The following RNF150 variants were observed in gnomAD, a reference collection of about 807,000 sequenced individuals.
The protein encoded by RNF150 is ring finger protein 150.
RNF150 carries 24 observed loss-of-function variants against 39.3 expected under a neutral mutation model. That is an observed-to-expected ratio of 0.61 (90% CI 0.44 to 0.86). RNF150 has a LOEUF of 0.86. Ranked by LOEUF, RNF150 falls within the 40% of genes least tolerant of loss-of-function variation. The pLI is 0.00. For missense variants in RNF150, 502 were observed against 587.8 expected (o/e 0.85, Z 1.51); for synonymous variants, 255 against 227.3 (o/e 1.12, Z -1.10).
chr4:140,977,105 C>T (rs1733693242), intron 1 of RNF150, among the ~76,000 whole-genome samples: 2 of 152,124 alleles, frequency 1.3e-5, no homozygotes. Context: ...AGATAATTCA[C>T]AATGGATTAT....
chr4:140,918,500 C>G (rs1730947688), intron 5 of RNF150, among the ~76,000 whole-genome samples: 3 of 152,158 alleles, frequency 2.0e-5, no homozygotes, highest in Admixed American at 1.3e-4. Flanking sequence ...AGTTGAATCT[C>G]TGAATAGACC....
chr4:140,923,226 C>T (rs1431273898), intron 5 of RNF150, among the ~76,000 whole-genome samples: 4 of 152,226 alleles, frequency 2.6e-5, no homozygotes, highest in East Asian at 3.9e-4. Flanking sequence ...ACTCATCTGA[C>T]AAAGGGCTAA....
chr4:140,975,300 A>C (rs1733620007), intron 1 of RNF150, among the ~76,000 whole-genome samples: 1 of 152,146 alleles, frequency 6.6e-6, no homozygotes, highest in African/African-American at 2.4e-5. Context: ...CAGGATTTGA[A>C]ACCTAGCTAT....
chr4:141,167,943 G>T (rs908793574), intron 1 of RNF150, among the ~76,000 whole-genome samples: 33 of 152,116 alleles, frequency 2.2e-4, no homozygotes, highest in Admixed American at 6.6e-5. Flanking sequence ...ATTGACAAAT[G>T]GGATCTAATT....
intron 1 of RNF150, among the ~76,000 whole-genome samples, chr4:141,013,422 G>C (rs1228897533): frequency 6.6e-6 from 1 of 152,198 alleles, no homozygotes; most frequent in East Asian, 1.9e-4. Context: ...ATTTACAAAT[G>C]AGGAAACTGA....
intron 1 of RNF150, among the ~76,000 whole-genome samples, chr4:141,122,399 C>T (rs555276071): frequency 8.5e-4 from 129 of 152,368 alleles, no homozygotes; most frequent in Non-Finnish European, 9.0e-4. Flanking sequence ...CCCACAGCAG[C>T]AGCACCGCCA....
At chr4:140,983,720 T>C (rs1733932854) in intron 1 of RNF150, among the ~76,000 whole-genome samples, 1 of 151,636 alleles carries the variant, frequency 6.6e-6, no homozygotes. Context: ...GTGAATAACT[T>C]TGTATGTTGT....
intron 1 of RNF150, among the ~76,000 whole-genome samples, chr4:141,171,478 G>C (rs1462192556): frequency 6.6e-6 from 1 of 152,106 alleles, no homozygotes; most frequent in Non-Finnish European, 1.5e-5. Flanking sequence ...GAGAGAGAGA[G>C]AGAGAGAGAG....
intron 1 of RNF150, among the ~76,000 whole-genome samples, chr4:141,144,869 A>G (rs1727175653): frequency 6.6e-6 from 1 of 152,214 alleles, no homozygotes. Flanking sequence ...AAGGAAAGGC[A>G]TGCTGATTAA....
intron 1 of RNF150, among the ~76,000 whole-genome samples, chr4:140,986,918 G>C (rs975486805): frequency 1.3e-5 from 2 of 152,070 alleles, no homozygotes; most frequent in African/African-American, 2.4e-5. Context: ...AATGACTTCA[G>C]TAGAGTTTCA....
rs188026815 is a variant in RNF150 at position 141,112,923 on chromosome 4, G to A, written c.484+19402C>T. On this transcript the variant is annotated intron_variant, in intron 1 of 6. Coordinates refer to ENST00000515673, the MANE Select transcript of RNF150 (RefSeq NM_020724.2). ...TATTTCTTGGAGGCTTTGTTCGTTC[G>A]TTTTCATTCTTTTTTCTCTAATCTT... Among the ~76,000 whole-genome samples the A allele has an allele frequency of 9.1e-4, 139 of 151,930 alleles. 2 individuals carry two copies. The East Asian group carries it at 0.014, about 16-fold the overall frequency.
chr4:141,028,052 T>C (rs1367682104), intron 1 of RNF150, among the ~76,000 whole-genome samples: 1 of 148,456 alleles, frequency 6.7e-6, no homozygotes, highest in East Asian at 2.1e-4. Flanking sequence ...CTGAGAATAC[T>C]CTGCTACTGA....
At chr4:141,082,456 T>C (rs1183850254) in intron 1 of RNF150, among the ~76,000 whole-genome samples, 1 of 152,264 alleles carries the variant, frequency 6.6e-6, no homozygotes, top group Non-Finnish European at 1.5e-5. Flanking sequence ...CTTCATTTCC[T>C]GAGACAAATG....
At chr4:140,909,087 C>G (rs1730497745) in intron 6 of RNF150, among the ~76,000 whole-genome samples, 1 of 152,074 alleles carries the variant, frequency 6.6e-6, no homozygotes, top group South Asian at 2.1e-4. Context: ...CAAAGATGTC[C>G]AATAAATGGA....
intron 1 of RNF150, among the ~76,000 whole-genome samples, chr4:141,197,454 GTATTT>G (rs1475364729): frequency 2.0e-5 from 3 of 151,974 alleles, no homozygotes; most frequent in Non-Finnish European, 2.9e-5. Flanking sequence ...GTAACTTATT[GTATTT>G]TAAGATAAAC....
chr4:141,017,479 C>A (rs1339087522), intron 1 of RNF150, among the ~76,000 whole-genome samples: 2 of 152,176 alleles, frequency 1.3e-5, no homozygotes, highest in Admixed American at 1.3e-4. Flanking sequence ...ACATTTGCTA[C>A]AATCAATGAG....
At chr4:140,910,135 C>CTT (rs976294307) in intron 6 of RNF150, among the ~76,000 whole-genome samples, 7 of 152,086 alleles carry the variant, frequency 4.6e-5, no homozygotes, top group Admixed American at 2.0e-4. Flanking sequence ...AAATACATAT[C>CTT]TTTACATTTT....
rs1734265333 is a variant in RNF150 at position 140,993,525 on chromosome 4, A to C, written c.485-25652T>G. Among the ~76,000 whole-genome samples, 3 of 152,292 alleles carry C rather than the reference A, an allele frequency of 2.0e-5. No individual in the cohort carries two copies. In the South Asian group the frequency reaches 6.2e-4, roughly 32 times the overall value. Reference sequence around the variant, plus strand: ...CCCATAGTGAAAGTAGCAGCGAGAGACATTTCTGGAGTAGGCCTCCAGGGG... The same window carrying C: ...CCCATAGTGAAAGTAGCAGCGAGAGCCATTTCTGGAGTAGGCCTCCAGGGG... On this transcript the variant is annotated intron_variant, in intron 1 of 6. Transcript: ENST00000515673.
intron 1 of RNF150, among the ~76,000 whole-genome samples, chr4:141,048,808 A>C (rs1736674481): frequency 6.6e-6 from 1 of 152,192 alleles, no homozygotes; most frequent in Admixed American, 6.5e-5. Context: ...ATACATGACA[A>C]GAAGAAGATA....
Sources: allele counts gnomAD v4.1 joint callset (sites outside exome capture counted in the v4.1 genomes callset), GRCh38; gene constraint gnomAD v4.1.1; transcripts MANE v1.5; gene names NCBI Gene and HGNC (gene_info 2026-07-23, HGNC 2026-07-21).